MCF2L: variants seen among roughly 807,000 people sequenced by gnomAD.
MCF2L encodes the protein guanine nucleotide exchange factor DBS.
MCF2L carries 97 observed loss-of-function variants against 153.4 expected under a neutral mutation model. That is an observed-to-expected ratio of 0.63 (90% confidence interval 0.54 to 0.75). The LOEUF is 0.75. MCF2L is among the 30% of genes least tolerant of loss of function. MCF2L has a pLI of 0.00. For missense variants in MCF2L, 1,347 were observed against 1,495.2 expected, an observed-to-expected ratio of 0.90 and a Z score of 1.64; for synonymous variants, 659 against 632.2, an observed-to-expected ratio of 1.04 and a Z score of -0.64.
At chr13:112,908,833 C>G (rs2993327) in intron 2 of MCF2L, among the ~76,000 whole-genome samples, 56,049 of 151,094 alleles carry the variant, frequency 0.37, 10,998 homozygotes, top group East Asian at 0.67. Context: ...TCACGCCATT[C>G]TCCTGCCTCA....
chr13:112,968,608 G>C, upstream of MCF2L: 1 of 1,533,258 alleles, frequency 6.5e-7, no homozygotes, highest in Non-Finnish European at 8.7e-7. Flanking sequence ...GCGACCCACG[G>C]ACCTGCTTAC....
At position 112,943,393 on chromosome 13, in the gene MCF2L, G is replaced by A. The variant is rs1338606924; in HGVS notation, c.169+41022G>A. On this transcript the variant is annotated intron_variant, in intron 2 of 29. Transcript: ENST00000375608. The surrounding 1 kb of genome is among the most constrained non-coding windows in gnomAD (Gnocchi z 4.2). ...CGGCGGCTCCCAGCTCCCGGTCCCC[G>A]GCTCCGCGCCGCAGGCGTGAACGCC... Among the ~76,000 whole-genome samples the A allele has an allele frequency of 1.3e-5, 2 of 149,378 alleles. No homozygotes were observed. Among genetic ancestry groups the A allele is most frequent in the East Asian group, 2.0e-4 (1 of 5,072 alleles).
At chr13:113,056,352 G>C (rs2087774529) in intron 4 of MCF2L, among the ~76,000 whole-genome samples, 1 of 150,940 alleles carries the variant, frequency 6.6e-6, no homozygotes, top group African/African-American at 2.4e-5. Flanking sequence ...TGGGTGTGGA[G>C]TGTTTGGGTG....
At chr13:112,963,158 G>C (rs914430953) in intron 2 of MCF2L, among the ~76,000 whole-genome samples, 1 of 152,154 alleles carries the variant, frequency 6.6e-6, no homozygotes. Flanking sequence ...CCTCTGAAAG[G>C]GCCCGTGGCT....
intron 3 of MCF2L, among the ~76,000 whole-genome samples, chr13:113,041,877 G>C (rs766079269): frequency 6.6e-6 from 1 of 152,148 alleles, no homozygotes; most frequent in African/African-American, 2.4e-5. Context: ...GGGTGGACGT[G>C]GCCTTAGGGG....
chr13:113,066,239 C>T (rs2032340166), intron 8 of MCF2L, 69 bp downstream of exon 8: 3 of 1,485,646 alleles, frequency 2.0e-6, no homozygotes, highest in Non-Finnish European at 2.7e-6. Context: ...AGGCACACAG[C>T]TTCTGCAAAA....
intron 2 of MCF2L, among the ~76,000 whole-genome samples, chr13:112,913,418 C>T (rs1209471439): frequency 2.0e-5 from 3 of 151,942 alleles, no homozygotes; most frequent in Admixed American, 6.6e-5. Context: ...GATGTGTGGC[C>T]GTCATGATGT....
chr13:112,982,951 G>T (rs1420959073), intron 1 of MCF2L, among the ~76,000 whole-genome samples: 1 of 152,176 alleles, frequency 6.6e-6, no homozygotes, highest in East Asian at 1.9e-4. Context: ...CTGGGGCTGG[G>T]GCTGGGGCGC....
intron 25 of MCF2L, among the ~76,000 whole-genome samples, chr13:113,088,903 G>A (rs536910092): frequency 7.9e-5 from 12 of 152,326 alleles, no homozygotes; most frequent in East Asian, 3.9e-4. Context: ...TCACAGCCAC[G>A]CCCCAGCACT....
At chr13:112,938,413 T>A (rs190292300) in intron 2 of MCF2L, among the ~76,000 whole-genome samples, 1 of 152,082 alleles carries the variant, frequency 6.6e-6, no homozygotes, top group Non-Finnish European at 1.5e-5. Flanking sequence ...TGTGGCTTAT[T>A]GTCAGTAAGT....
chr13:113,064,495 A>G lies in MCF2L; in HGVS notation c.606+75A>G. The G allele has an allele frequency of 1.1e-6, 1 of 923,538 alleles. No homozygotes were observed. The highest frequency in any genetic ancestry group is 2.4e-5 in the East Asian group (1 of 40,822). The allele number at this position is 923,538 out of a possible 1,614,324, so 57.2% of individuals were successfully genotyped here. On this transcript the variant is annotated intron_variant, in intron 6 of 29. Coordinates refer to ENST00000535094, the MANE Select transcript of MCF2L (RefSeq NM_001112732.3). This position sits in a 1 kb window ranked among gnomAD's most constrained non-coding sequence, Gnocchi z 6.0. ...TCCACAGAATCGCTCTTGCATTACA[A>G]CACGGCCCTTTCCAAAAACACATTC...
chr13:112,944,016 G>C (rs1357352461), intron 2 of MCF2L, among the ~76,000 whole-genome samples: 9 of 143,224 alleles, frequency 6.3e-5, no homozygotes, highest in African/African-American at 1.8e-4. Flanking sequence ...CGGGCCTTGA[G>C]GGGAGGGGAG....
Position 113,098,157 on chromosome 13 carries a change from C to T in MCF2L, c.*1298C>T, listed in dbSNP as rs1213753176. The T allele has an allele frequency of 6.6e-6, 1 of 152,562 alleles. No homozygotes were observed. Among genetic ancestry groups the T allele is most frequent in the Non-Finnish European group, 1.5e-5 (1 of 68,064 alleles). The allele number at this position is 152,562 out of a possible 1,614,324, so 9.5% of individuals were successfully genotyped here. A position where few individuals can be genotyped will look rare whatever the true frequency, so the allele number is the denominator to read the frequency against. ...TGCTGCTGGGAGGGCCGCCTCACAG[C>T]CTCACGGTTCCCAGCCCCAGCACAG... On this transcript the variant is annotated 3_prime_UTR_variant, in exon 30 of 30. Transcript: ENST00000535094.
In MCF2L at chr13:113,045,495, A is replaced by G. The variant is rs956683293; in HGVS notation, c.369+134A>G. 7 of 785,532 alleles carry G rather than the reference A, an allele frequency of 8.9e-6. No homozygotes were observed. In the African/African-American group the frequency reaches 1.2e-4, roughly 13 times the overall value. The allele number at this position is 785,532 out of a possible 1,614,324, so 48.7% of individuals were successfully genotyped here. On this transcript the variant is annotated intron_variant, in intron 4 of 29. Coordinates refer to ENST00000535094, the MANE Select transcript of MCF2L (RefSeq NM_001112732.3). This position sits in a 1 kb window ranked among gnomAD's most constrained non-coding sequence, Gnocchi z 4.2. ...GACAGAGCCCAGTCCCGGCGGGTGG[A>G]GGCCGGCGCCAAGGCCCCCCCTGCT...
intron 3 of MCF2L, among the ~76,000 whole-genome samples, chr13:113,039,439 C>T (rs920755057): frequency 6.6e-6 from 1 of 152,080 alleles, no homozygotes; most frequent in African/African-American, 2.4e-5. Context: ...ATCAAAAAAG[C>T]AATTATCAGA....
intron 1 of MCF2L, among the ~76,000 whole-genome samples, chr13:113,003,288 C>G (rs547759353): frequency 0.012 from 1,833 of 149,630 alleles, 27 homozygotes; most frequent in Non-Finnish European, 0.019. Context: ...CCATGGAAGG[C>G]TTCGGGGTGA....
At chr13:113,049,993 AG>A (rs2087104360) in intron 4 of MCF2L, among the ~76,000 whole-genome samples, 2 of 152,130 alleles carry the variant, frequency 1.3e-5, no homozygotes, top group African/African-American at 4.8e-5. Context: ...GTGTGGGAGA[AG>A]GATAGGTTCA....
At chr13:112,930,818 T>A (rs2140620997) in intron 2 of MCF2L, among the ~76,000 whole-genome samples, 1 of 152,206 alleles carries the variant, frequency 6.6e-6, no homozygotes, top group Middle Eastern at 3.4e-3. Flanking sequence ...GTGCCTGTAA[T>A]CCCAGCTACT....
intron 1 of MCF2L, among the ~76,000 whole-genome samples, chr13:113,012,668 C>A (rs372993261): frequency 1.9e-5 from 1 of 52,146 alleles, no homozygotes; most frequent in Non-Finnish European, 4.1e-5. Flanking sequence ...GGTGGACAGG[C>A]GGTGTGGACG....
Sources: gnomAD v4.1 joint callset for allele counts (sites outside exome capture counted in the v4.1 genomes callset) on GRCh38, gnomAD v4.1.1 for gene constraint, Gnocchi (gnomAD v3.1) non-coding constraint, MANE v1.5 for transcripts, NCBI Gene and HGNC (gene_info 2026-07-23, HGNC 2026-07-21) for gene names.